Variants in VARS1 observed in about 807,000 individuals in gnomAD.
VARS1 encodes valine--tRNA ligase.
A neutral mutation model predicts 161.0 loss-of-function variants in VARS1; 92 were observed. The observed-to-expected ratio is 0.57, with a 90% CI of 0.48 to 0.68. The LOEUF is 0.68. Among genes scored for constraint, VARS1 ranks in the 30% least tolerant of loss-of-function variants. The pLI, the probability that VARS1 is intolerant of heterozygous loss-of-function variation, is 0.00. For missense variants in VARS1, 1,338 were observed against 1,695.9 expected (o/e 0.79, Z 3.71); for synonymous variants, 595 against 682.5 (o/e 0.87, Z 2.00).
At position 31,785,521 on chromosome 6, in the gene VARS1, G is replaced by T. The variant is rs1813438356; in HGVS notation, c.1265+48C>A. The T allele has an allele frequency of 6.5e-7, 1 of 1,547,230 alleles. No individual in the cohort carries two copies. Among genetic ancestry groups the T allele is most frequent in the Non-Finnish European group, 8.7e-7 (1 of 1,145,614 alleles). ...AGGTGACAGAGGTCTTCTGGATAGGGGACAGGGAGGCAGGGCTGCGATGCC... is the reference window on the plus strand; with the variant it reads ...AGGTGACAGAGGTCTTCTGGATAGGTGACAGGGAGGCAGGGCTGCGATGCC... On this transcript the variant is annotated intron_variant, in intron 9 of 29. Transcript: ENST00000375663. This position sits in a 1 kb window ranked among gnomAD's most constrained non-coding sequence, Gnocchi z 6.1.
At position 31,780,659 on chromosome 6, in the gene VARS1, C is replaced by G; in HGVS notation, c.2797+46G>C. On this transcript the variant is annotated intron_variant, in intron 24 of 29. Transcript: ENST00000375663. The surrounding 1 kb of genome is among the most constrained non-coding windows in gnomAD (Gnocchi z 5.1). ...GGGTGGAGAAGAGGGATGGGCCTCA[C>G]AGAAGGAGGAAGGAGTGGCTGGGAG... The G allele has an allele frequency of 6.2e-7, 1 of 1,613,562 alleles. No homozygotes were observed. The highest frequency in any genetic ancestry group is 8.5e-7 in the Non-Finnish European group (1 of 1,179,604).
At chr6:31,786,926 G>T (rs950801691) in intron 8 of VARS1, among the ~76,000 whole-genome samples, 4 of 151,886 alleles carry the variant, frequency 2.6e-5, no homozygotes, top group African/African-American at 9.7e-5. Context: ...AGAAACTTTA[G>T]ATAGATTAAA....
rs1367760727 is a variant in VARS1 at position 31,792,781 on chromosome 6, C to A, written c.637G>T (p.Ala213Ser). ...VLGEVVLYSG[A>S]RPLSHQPGPE... ...CCTGGCTGATGAGAGAGAGGCCTGG[C>A]TCCTGAGTATAGAACCACTTCTCCT... is the stretch of plus-strand genomic sequence containing the variant. Residue 213 changes from alanine to serine, a missense_variant, in exon 4 of 30, where the codon GCC (alanine) becomes TCC (serine). Ala to Ser is a moderately conservative substitution (Grantham distance 99). Around this residue, in one of 3 missense-constraint regions of VARS1, gnomAD observed 902 missense variants for 1,090.3 expected, o/e 0.83. Transcript: ENST00000375663. 2 of 1,614,208 alleles carry A rather than the reference C, an allele frequency of 1.2e-6. No homozygotes were observed. The highest frequency in any genetic ancestry group is 1.7e-6 in the Non-Finnish European group (2 of 1,180,044).
In VARS1 at chr6:31,791,566, G is replaced by T; in HGVS notation, c.1100+44C>A. 3 of 1,573,850 alleles carry T rather than the reference G, an allele frequency of 1.9e-6. No homozygotes were observed. The highest frequency in any genetic ancestry group is 2.6e-6 in the Non-Finnish European group (3 of 1,159,780). On this transcript the variant is annotated intron_variant, in intron 8 of 29. Transcript: ENST00000375663. The surrounding 1 kb of genome is among the most constrained non-coding windows in gnomAD (Gnocchi z 5.0). The stretch of plus-strand genomic sequence containing the variant: ...GCTGTCAGGGAAAAGGAGAGAGCCA[G>T]ACTAGGCAGAGGGAACCAGAGGAAG...
chr6:31,793,175 C>G, intron 2 of VARS1, 55 bp from the exon 3 acceptor site: 1 of 1,539,934 alleles, frequency 6.5e-7, no homozygotes. Flanking sequence ...CCATCTCCCA[C>G]CACAACCCAA....
In VARS1 at chr6:31,782,455, C is replaced by T. The variant is rs1267734021; in HGVS notation, c.1992-12G>A. Reference sequence around the variant, plus strand: ...CGTCCTTCGACCGGCTGGGGGTACACGTAGGTGAGAAGGCCAGGCGGTAAA... The same window carrying T: ...CGTCCTTCGACCGGCTGGGGGTACATGTAGGTGAGAAGGCCAGGCGGTAAA... On this transcript the variant is annotated splice_polypyrimidine_tract_variant and intron_variant, in intron 16 of 29. Coordinates refer to ENST00000375663, the MANE Select transcript of VARS1 (RefSeq NM_006295.3). The surrounding 1 kb of genome is among the most constrained non-coding windows in gnomAD (Gnocchi z 8.3). 14 of 1,611,966 alleles carry T rather than the reference C, an allele frequency of 8.7e-6. No individual in the cohort carries two copies. Among genetic ancestry groups the T allele is most frequent in the Non-Finnish European group, 1.1e-5 (13 of 1,179,434 alleles).
chr6:31,790,854 C>G (rs749019091), intron 8 of VARS1, among the ~76,000 whole-genome samples: 8 of 151,774 alleles, frequency 5.3e-5, no homozygotes, highest in Non-Finnish European at 1.0e-4. Flanking sequence ...TCTATGGGTA[C>G]GTGTATATGT....
rs1418380569 is a variant in VARS1 at position 31,794,836 on chromosome 6, G to C, written c.382C>G (p.Pro128Ala). Residue 128 changes from proline (P) to alanine (A), a missense_variant, in exon 2 of 30, where the codon CCC becomes GCC. By Grantham distance (27) the Pro-to-Ala change is conservative. This residue lies in a region of VARS1 where 902 missense variants were observed against 1,090.3 expected (regional missense o/e 0.83). Transcript: ENST00000375663. ...CTTCTGTACAACCCCCTCACCTGGG[G>C]GTCCTGGGCCGAGCTTCGGAGTCCC... Reference protein sequence around the residue: ...ALGLRSSAQDPQAVLGALGRA... With the variant: ...ALGLRSSAQDAQAVLGALGRA... 3 of 1,594,654 alleles carry C rather than the reference G, an allele frequency of 1.9e-6. No homozygotes were observed. The highest frequency in any genetic ancestry group is 2.6e-6 in the Non-Finnish European group (3 of 1,166,914).
At position 31,779,300 on chromosome 6, in the gene VARS1, G is replaced by A; in HGVS notation, c.3401-8C>T. ...CCGCCACTTCCAGGAAACCTGCCAG[G>A]GAGGGAGAAAGGTGAGGCCTAGCTC... On this transcript the variant is annotated splice_polypyrimidine_tract_variant and splice_region_variant and intron_variant, in intron 28 of 29. Transcript: ENST00000375663. This position sits in a 1 kb window ranked among gnomAD's most constrained non-coding sequence, Gnocchi z 9.1. 6.2e-7 allele frequency: 1 copy of A among 1,602,110 alleles called. No homozygotes were observed.
Position 31,794,854 on chromosome 6 carries a change from G to T in VARS1, c.364C>A (p.Arg122=), listed in dbSNP as rs980564718. The T allele has an allele frequency of 3.1e-6, 5 of 1,605,836 alleles. No homozygotes were observed. Residue 122 remains arginine (R), a synonymous_variant, in exon 2 of 30, where the codon CGA becomes AGA. Coordinates refer to ENST00000375663, the MANE Select transcript of VARS1 (RefSeq NM_006295.3). ...ACCTGGGGGTCCTGGGCCGAGCTTC[G>T]GAGTCCCAGGGCCGGCAGCGTTGCT... ...CGATLPALGL[R]SSAQDPQAVL...
chr6:31,779,286 A>G lies in VARS1; in HGVS notation c.3407T>C (p.Leu1136Pro), dbSNP rs1346687004. 4 of 1,602,816 alleles carry G rather than the reference A, an allele frequency of 2.5e-6. No homozygotes were observed. The highest frequency in any genetic ancestry group is 3.4e-6 in the Non-Finnish European group (4 of 1,179,666). The change falls in exon 29 of 30, where the codon CTG becomes CCG. Residue 1136 changes from leucine to proline, a missense_variant. Leu to Pro is a moderately conservative substitution (Grantham distance 98). Around this residue, in one of 3 missense-constraint regions of VARS1, gnomAD observed 433 missense variants for 586.2 expected, o/e 0.74. Coordinates refer to ENST00000375663, the MANE Select transcript of VARS1 (RefSeq NM_006295.3). The surrounding 1 kb of genome is among the most constrained non-coding windows in gnomAD (Gnocchi z 9.1). ...NLTRIRPDCF[L>P]EVADEATGAL... ...GCCCGTGGCCTCATCCGCCACTTCCAGGAAACCTGCCAGGGAGGGAGAAAG... is the reference window on the plus strand; with the variant it reads ...GCCCGTGGCCTCATCCGCCACTTCCGGGAAACCTGCCAGGGAGGGAGAAAG...
Position 31,795,031 on chromosome 6 carries a change from C to A in VARS1, c.187G>T (p.Gly63Trp), listed in dbSNP as rs1025185109. The change falls in exon 2 of 30, where the codon GGG becomes TGG. Residue 63 changes from glycine (G) to tryptophan (W), a missense_variant. Transcript: ENST00000375663. The surrounding 1 kb of genome is among the most constrained non-coding windows in gnomAD (Gnocchi z 6.9). The stretch of plus-strand genomic sequence containing the variant: ...CCCCACACCCAGAGCCCACCGGGCC[C>A]CTGCTCCAGGGCCGGCAGGCGGGGT... ...PPPRLPALEQ[G>W]PGGLWVWGAT... The A allele has an allele frequency of 3.0e-5, 47 of 1,571,804 alleles. No individual in the cohort carries two copies. The highest frequency in any genetic ancestry group is 4.1e-5 in the Non-Finnish European group (47 of 1,155,946).
Position 31,780,814 on chromosome 6 carries a change from C to T in VARS1, c.2719-31G>A, listed in dbSNP as rs975918974. 13 of 1,614,084 alleles carry T rather than the reference C, an allele frequency of 8.1e-6. No individual in the cohort carries two copies. The highest frequency in any genetic ancestry group is 1.0e-5 in the Non-Finnish European group (12 of 1,180,020). The stretch of plus-strand genomic sequence containing the variant: ...GGGAAGAGGCAGGGGGAGGAGCGTC[C>T]TCAGCCAGCCCCATCCACGCTGTGC... On this transcript the variant is annotated intron_variant, in intron 23 of 29. Transcript: ENST00000375663. The surrounding 1 kb of genome is among the most constrained non-coding windows in gnomAD (Gnocchi z 5.1).
Position 31,785,736 on chromosome 6 carries a change from G to C in VARS1, c.1101-3C>G. 1 of 1,607,732 alleles carries C rather than the reference G, an allele frequency of 6.2e-7. No individual in the cohort carries two copies. On this transcript the variant is annotated splice_polypyrimidine_tract_variant and splice_region_variant and intron_variant, in intron 8 of 29. Transcript: ENST00000375663. This position sits in a 1 kb window ranked among gnomAD's most constrained non-coding sequence, Gnocchi z 6.1. ...TGGTCTCCCCACGCATGCGGTGCCTGTTAGGGGGCATGGAGGACCAGAGGG... is the reference window on the plus strand; with the variant it reads ...TGGTCTCCCCACGCATGCGGTGCCTCTTAGGGGGCATGGAGGACCAGAGGG...
rs61730575 is a variant in VARS1, at chr6:31,792,512, G to A, written c.666C>T (p.Pro222=). ...GARPLSHQPG[P]EAPALPKTAA... ...CTGTCTTTGGGAGGGCAGGAGCCTCGGGGCCTAGAGAGAGGTGCAGAAATT... is the reference window on the plus strand; with the variant it reads ...CTGTCTTTGGGAGGGCAGGAGCCTCAGGGCCTAGAGAGAGGTGCAGAAATT... Residue 222 remains proline, a synonymous_variant, in exon 5 of 30, where the codon CCC becomes CCT. Transcript: ENST00000375663. 1.6e-3 allele frequency: 2,554 copies of A among 1,613,736 alleles called. 33 individuals carry two copies. The African/African-American group carries it at 0.026, about 17-fold the overall frequency.
In VARS1 at chr6:31,794,956, CT is replaced by C. The variant is rs751535101; in HGVS notation, c.261del (p.Gly89AlafsTer19). The C allele has an allele frequency of 6.2e-7, 1 of 1,612,650 alleles. No individual in the cohort carries two copies. Among genetic ancestry groups the C allele is most frequent in the Non-Finnish European group, 8.5e-7 (1 of 1,179,898 alleles). On this transcript the variant is annotated frameshift_variant, in exon 2 of 30. Coordinates refer to ENST00000375663, the MANE Select transcript of VARS1 (RefSeq NM_006295.3). LOFTEE classifies it high-confidence loss of function. ...ACAAGGACAGCCGCCCGGCTGCCCCCTGGGCCCCCCAGGCCTGCTGGCCACA... is the reference window on the plus strand; with the variant it reads ...ACAAGGACAGCCGCCCGGCTGCCCCCGGGCCCCCCAGGCCTGCTGGCCACA... ...QLLWPAGLGGPGGSRAAVLVQ... is the reference protein window; with the variant it reads ...QLLWPAGLGGXGGSRAAVLVQ...
rs752492140 is a variant in VARS1 at position 31,782,581 on chromosome 6, C to T, written c.1940G>A (p.Arg647Gln). 6.5e-5 allele frequency: 105 copies of T among 1,612,966 alleles called. No individual in the cohort carries two copies. The highest frequency in any genetic ancestry group is 8.3e-5 in the Non-Finnish European group (98 of 1,180,048). ...RKAVLVALKE[R>Q]GLFRGIEDNP... is the part of the protein sequence containing the mutation. ...GTCCTCAATGCCACGGAACAGTCCC[C>T]GCTCCTTCAGCGCCACCAGCACCGC... The change falls in exon 16 of 30, where the codon CGG becomes CAG. Residue 647 changes from arginine to glutamine, a missense_variant. This residue lies in a region of VARS1 where 902 missense variants were observed against 1,090.3 expected (regional missense o/e 0.83). Coordinates refer to ENST00000375663, the MANE Select transcript of VARS1 (RefSeq NM_006295.3). The surrounding 1 kb of genome is among the most constrained non-coding windows in gnomAD (Gnocchi z 8.3).
rs1007118536 is a variant in VARS1 at position 31,779,428 on chromosome 6, C to G, written c.3397G>C (p.Asp1133His). 1 of 1,611,508 alleles carries G rather than the reference C, an allele frequency of 6.2e-7. No individual in the cohort carries two copies. The highest frequency in any genetic ancestry group is 1.1e-5 in the South Asian group (1 of 91,064). The change falls in exon 28 of 30, where the codon GAC becomes CAC. Residue 1133 changes from aspartate to histidine, a missense_variant. Asp to His is a moderately conservative substitution (Grantham distance 81). Around this residue, in one of 3 missense-constraint regions of VARS1, gnomAD observed 433 missense variants for 586.2 expected, o/e 0.74. Transcript: ENST00000375663. The surrounding 1 kb of genome is among the most constrained non-coding windows in gnomAD (Gnocchi z 9.1). ...ADYNLTRIRP[D>H]CFLEVADEAT... is the part of the protein sequence containing the mutation. ...GACATGGGGGCCTGAGGCTCACAGT[C>G]AGGCCGGATCCGGGTGAGGTTGTAG...
chr6:31,785,397 C>T lies in VARS1; in HGVS notation c.1266-70G>A. 1 of 1,592,118 alleles carries T rather than the reference C, an allele frequency of 6.3e-7. No homozygotes were observed. The highest frequency in any genetic ancestry group is 8.6e-7 in the Non-Finnish European group (1 of 1,164,854). ...GGGAGACATCAGGTGGCTGACTGGGCAGTGTGGAGATCACCCATCCCCCTG... is the reference window on the plus strand; with the variant it reads ...GGGAGACATCAGGTGGCTGACTGGGTAGTGTGGAGATCACCCATCCCCCTG... On this transcript the variant is annotated intron_variant, in intron 9 of 29. Transcript: ENST00000375663. This position sits in a 1 kb window ranked among gnomAD's most constrained non-coding sequence, Gnocchi z 6.1.
Sources: allele counts gnomAD v4.1 joint callset (sites outside exome capture counted in the v4.1 genomes callset), GRCh38; gene constraint gnomAD v4.1.1; regional missense constraint gnomAD v4.1.1; non-coding constraint Gnocchi (gnomAD v3.1); transcripts MANE v1.5; gene names NCBI Gene and HGNC (gene_info 2026-07-23, HGNC 2026-07-21).